B4GALT5: variants seen among roughly 807,000 people sequenced by gnomAD.
The protein encoded by B4GALT5 is UDP-Gal:beta-GlcNAc beta-1,4-galactosyltransferase 5.
B4GALT5 carries 11 observed loss-of-function variants against 45.0 expected under a neutral mutation model. That is an observed-to-expected ratio of 0.24 (90% CI 0.15 to 0.40). The LOEUF (loss-of-function observed/expected upper bound fraction) is 0.40. Among genes scored for constraint, B4GALT5 ranks in the 10% least tolerant of loss-of-function variants. B4GALT5 has a pLI of 1.00. For synonymous variants in B4GALT5, 185 were observed against 182.9 expected, an observed-to-expected ratio of 1.01 and a Z score of -0.09; for missense variants, 337 against 500.2, an observed-to-expected ratio of 0.67 and a Z score of 3.11.
intron 1 of B4GALT5, among the ~76,000 whole-genome samples, chr20:49,701,249 C>T (rs1334906529): frequency 1.3e-5 from 2 of 152,110 alleles, no homozygotes; most frequent in East Asian, 3.8e-4. Flanking sequence ...GGCACCAGAA[C>T]ATAAAAGTTT....
At chr20:49,689,628 C>T (rs1023722557) in intron 1 of B4GALT5, among the ~76,000 whole-genome samples, 2 of 152,138 alleles carry the variant, frequency 1.3e-5, no homozygotes, top group Non-Finnish European at 2.9e-5. Context: ...GACCTATTTC[C>T]AAGTAAACTG....
intron 1 of B4GALT5, among the ~76,000 whole-genome samples, chr20:49,706,865 G>C (rs964573050): frequency 6.6e-6 from 1 of 152,102 alleles, no homozygotes; most frequent in Non-Finnish European, 1.5e-5. Context: ...TAGATGTGCC[G>C]AACATACTTC....
At chr20:49,678,748 A>G (rs1269535477) in intron 1 of B4GALT5, among the ~76,000 whole-genome samples, 2 of 152,026 alleles carry the variant, frequency 1.3e-5, no homozygotes, top group East Asian at 3.8e-4. Flanking sequence ...AGGTATTAGT[A>G]CTCTCATAGA....
chr20:49,642,393 C>T, intron 5 of B4GALT5, 75 bp downstream of exon 5: 1 of 1,108,014 alleles, frequency 9.0e-7, no homozygotes, highest in Non-Finnish European at 1.3e-6. Context: ...TTCACACCAA[C>T]AGTGGATTAG....
At chr20:49,697,161 C>T (rs1311898836) in intron 1 of B4GALT5, among the ~76,000 whole-genome samples, 1 of 152,182 alleles carries the variant, frequency 6.6e-6, no homozygotes, top group African/African-American at 2.4e-5. Flanking sequence ...ACATAAACAG[C>T]TAAAGAAATT....
intron 1 of B4GALT5, among the ~76,000 whole-genome samples, chr20:49,672,577 C>A (rs946037837): frequency 3.9e-5 from 6 of 152,166 alleles, no homozygotes; most frequent in African/African-American, 1.4e-4. Flanking sequence ...GTCACTTGAT[C>A]AGACATAAAC....
At chr20:49,688,861 C>T (rs756070652) in intron 1 of B4GALT5, among the ~76,000 whole-genome samples, 12 of 146,338 alleles carry the variant, frequency 8.2e-5, no homozygotes, top group African/African-American at 1.3e-4. Flanking sequence ...TGCTTAAGTC[C>T]GGGAGGCAGA....
chr20:49,706,474 T>G (rs189908697), intron 1 of B4GALT5, among the ~76,000 whole-genome samples: 3 of 152,284 alleles, frequency 2.0e-5, no homozygotes, highest in East Asian at 1.9e-4. Flanking sequence ...TTGACAGATG[T>G]AGTCAAAAGT....
chr20:49,636,088 T>G lies in B4GALT5; in HGVS notation c.*224A>C. 1 of 564,224 alleles carries G rather than the reference T, an allele frequency of 1.8e-6. No homozygotes were observed. The highest frequency in any genetic ancestry group is 3.1e-5 in the East Asian group (1 of 31,890). The allele number at this position is 564,224 out of a possible 1,614,324, so 35.0% of individuals were successfully genotyped here. ...CTGTCTTGTGAAAACAGAAAGCCAG[T>G]GCTGACGAAGGAAGTCCCCAAGCTC... On this transcript the variant is annotated 3_prime_UTR_variant, in exon 9 of 9. Transcript: ENST00000371711.
chr20:49,655,144 A>T (rs1478385446), intron 2 of B4GALT5, among the ~76,000 whole-genome samples: 1 of 151,890 alleles, frequency 6.6e-6, no homozygotes, highest in Admixed American at 6.6e-5. Context: ...AGAATAAAAA[A>T]AAAAGCTCGG....
intron 5 of B4GALT5, among the ~76,000 whole-genome samples, chr20:49,642,003 G>A (rs533965231): frequency 4.2e-4 from 64 of 152,014 alleles, no homozygotes; most frequent in African/African-American, 1.4e-3. Flanking sequence ...TCTATATCTG[G>A]TTCCCTACCA....
chr20:49,681,263 A>T (rs944977068), intron 1 of B4GALT5, among the ~76,000 whole-genome samples: 14 of 151,480 alleles, frequency 9.2e-5, no homozygotes, highest in African/African-American at 3.4e-4. Flanking sequence ...ATAGGTGGTA[A>T]ATAATAAACT....
At chr20:49,670,229 T>C (rs1340945438) in intron 1 of B4GALT5, among the ~76,000 whole-genome samples, 2 of 152,220 alleles carry the variant, frequency 1.3e-5, no homozygotes, top group Non-Finnish European at 2.9e-5. Context: ...ATGTATAATA[T>C]TTAGCATAGA....
rs1021000155 is a variant in B4GALT5 at position 49,697,102 on chromosome 20, G to T, written c.115+16474C>A. Among the ~76,000 whole-genome samples the T allele has an allele frequency of 5.3e-5, 8 of 152,222 alleles. 1 individual carries two copies. Among genetic ancestry groups the T allele is most frequent in the African/African-American group, 1.9e-4 (8 of 41,444 alleles). On this transcript the variant is annotated intron_variant, in intron 1 of 8. Coordinates refer to ENST00000371711, the MANE Select transcript of B4GALT5 (RefSeq NM_004776.4). ...CAAAATAAGTCTTCAAAGGGATATT[G>T]TTGCCTCCTTACCCTTCTAAGCTTT...
At chr20:49,658,630 T>A (rs757698798) in intron 1 of B4GALT5, among the ~76,000 whole-genome samples, 1 of 152,178 alleles carries the variant, frequency 6.6e-6, no homozygotes, top group Non-Finnish European at 1.5e-5. Context: ...ACACTCTCCC[T>A]TTCTTAGCTT....
intron 2 of B4GALT5, among the ~76,000 whole-genome samples, chr20:49,647,790 AGAG>A (rs1352082996): frequency 2.6e-5 from 4 of 151,058 alleles, no homozygotes; most frequent in African/African-American, 9.7e-5. Context: ...TCATCCTCCC[AGAG>A]GAGGTGTGGC....
intron 1 of B4GALT5, among the ~76,000 whole-genome samples, chr20:49,688,005 C>G (rs1031828687): frequency 2.0e-5 from 3 of 152,118 alleles, no homozygotes; most frequent in African/African-American, 7.2e-5. Context: ...GCCACAACTG[C>G]TTTGCCCCTC....
chr20:49,694,637 G>GAAGGGAAAGGGA (rs1191552800), intron 1 of B4GALT5, among the ~76,000 whole-genome samples: 2 of 116,842 alleles, frequency 1.7e-5, no homozygotes, highest in African/African-American at 3.2e-5. Flanking sequence ...GCCCTGCTGA[G>GAAGGGAAAGGGA]AAGGGAAAGG....
At chr20:49,693,960 AAGAT>A (rs1446708783) in intron 1 of B4GALT5, among the ~76,000 whole-genome samples, 1 of 152,208 alleles carries the variant, frequency 6.6e-6, no homozygotes, top group South Asian at 2.1e-4. Flanking sequence ...CTGCACCTGG[AAGAT>A]AACTCAAAGT....
Sources: allele counts gnomAD v4.1 joint callset (sites outside exome capture counted in the v4.1 genomes callset), GRCh38; gene constraint gnomAD v4.1.1; transcripts MANE v1.5; gene names NCBI Gene and HGNC (gene_info 2026-07-23, HGNC 2026-07-21).